CHD9: variants seen among roughly 807,000 people sequenced by gnomAD.
CHD9 encodes ATP-dependent chromatin remodeler CHD9.
Under a neutral mutation model 316.1 loss-of-function variants are expected in CHD9, and 77 were observed. The observed-to-expected ratio is 0.24, with a 90% CI of 0.20 to 0.29. The LOEUF (loss-of-function observed/expected upper bound fraction) is 0.29, where lower values mean the gene tolerates loss of function less well. Ranked by LOEUF, CHD9 falls within the 10% of genes least tolerant of loss-of-function variation. The probability of loss-of-function intolerance (pLI) is 1.00; values close to 1 mark genes in which losing one functional copy is unlikely to be tolerated. For synonymous variants in CHD9, 1,129 were observed against 1,158.3 expected (o/e 0.97, Z 0.51); for missense variants, 2,763 against 3,438.1 (o/e 0.80, Z 4.91).
intron 1 of CHD9, chr16:53,122,159 G>A (rs1464578340): frequency 7.6e-6 from 1 of 130,886 alleles, no homozygotes; most frequent in Non-Finnish European, 1.6e-5. Context: ...AAAGATGAGT[G>A]AGAAGGTATT....
At chr16:53,266,573 A>C (rs1361071303) in intron 20 of CHD9, among the ~76,000 whole-genome samples, 1 of 152,200 alleles carries the variant, frequency 6.6e-6, no homozygotes, top group Non-Finnish European at 1.5e-5. Flanking sequence ...TATATCATAA[A>C]AAATTTCATC....
At chr16:53,081,839 G>GTAAATGAA (rs1555479491) in intron 1 of CHD9, among the ~76,000 whole-genome samples, 1 of 150,088 alleles carries the variant, frequency 6.7e-6, no homozygotes, top group Non-Finnish European at 1.5e-5. Context: ...TGTCAAGTTT[G>GTAAATGAA]TGAATGAATG....
At chr16:53,068,748 T>G (rs1205728952) in intron 1 of CHD9, among the ~76,000 whole-genome samples, 1 of 152,210 alleles carries the variant, frequency 6.6e-6, no homozygotes, top group Non-Finnish European at 1.5e-5. Context: ...CTGGGCTCAG[T>G]GCAAGCTTGC....
At position 53,260,767 on chromosome 16, in the gene CHD9, G is replaced by A. The variant is rs141196619; in HGVS notation, c.4210-2220G>A. 2.4e-3 allele frequency among the ~76,000 whole-genome samples: 363 copies of A among 152,006 alleles called. 3 individuals are homozygous for A. The highest frequency in any genetic ancestry group is 8.4e-3 in the African/African-American group (350 of 41,452). On this transcript the variant is annotated intron_variant, in intron 19 of 38. Transcript: ENST00000447540. ...AGACTGCCTGCATTCCTTGGCTTGC[G>A]GCCACAGTACTCCCATCTCTGCTTC...
intron 32 of CHD9, 82 bp downstream of exon 32, chr16:53,306,479 TGGAA>T: frequency 4.2e-6 from 5 of 1,189,126 alleles, no homozygotes; most frequent in Non-Finnish European, 5.6e-6. Flanking sequence ...TCTTACTATG[TGGAA>T]ACATAGGTCA....
Position 53,263,069 on chromosome 16 carries a change from A to G in CHD9, c.4292A>G (p.Glu1431Gly). ...TGGCAAAAATGGGCTAAAAAGGCAG[A>G]AATAGATATAGAGGCCATCAGTGGC... ...NFWQKWAKKA[E>G]IDIEAISGRN... The change falls in exon 20 of 39, where the codon GAA (glutamate) becomes GGA (glycine). Residue 1431 changes from glutamate to glycine, a missense_variant. Around this residue, in one of 15 missense-constraint regions of CHD9, gnomAD observed 199 missense variants for 251.7 expected, o/e 0.79. Transcript: ENST00000447540. 1 of 1,612,694 alleles carries G rather than the reference A, an allele frequency of 6.2e-7. No homozygotes were observed. Among genetic ancestry groups the G allele is most frequent in the Non-Finnish European group, 8.5e-7 (1 of 1,179,024 alleles).
At position 53,231,733 on chromosome 16, in the gene CHD9, A is replaced by C; in HGVS notation, c.2460A>C (p.Lys820Asn). 1 of 1,611,894 alleles carries C rather than the reference A, an allele frequency of 6.2e-7. No homozygotes were observed. Among genetic ancestry groups the C allele is most frequent in the Non-Finnish European group, 8.5e-7 (1 of 1,178,928 alleles). Reference protein sequence around the residue: ...WELKEDVDLAKIEEFEQLQAS... With the variant: ...WELKEDVDLANIEEFEQLQAS... ...TAAAAGAAGATGTAGATCTTGCAAA[A>C]ATAGAAGAGTTTGAACAACTGCAAG... Residue 820 changes from lysine (K) to asparagine (N), a missense_variant, in exon 10 of 39, where the codon AAA (lysine) becomes AAC (asparagine). Lys to Asn is a moderately conservative substitution (Grantham distance 94). Transcript: ENST00000447540.
chr16:53,164,863 C>T (rs570397612), intron 2 of CHD9, among the ~76,000 whole-genome samples: 18 of 152,148 alleles, frequency 1.2e-4, no homozygotes, highest in African/African-American at 3.6e-4. Flanking sequence ...CCATGTTGCC[C>T]AGGTTGGTCT....
rs1253793658 is a variant in CHD9 at position 53,321,585 on chromosome 16, A to T, written c.7773A>T (p.Ser2591=). The T allele has an allele frequency of 6.4e-7, 1 of 1,552,510 alleles. No homozygotes were observed. The highest frequency in any genetic ancestry group is 8.7e-7 in the Non-Finnish European group (1 of 1,143,850). The change falls in exon 38 of 39, where the codon TCA becomes TCT. Residue 2591 remains serine (S), a synonymous_variant. Coordinates refer to ENST00000447540, the MANE Select transcript of CHD9 (RefSeq NM_001308319.2). ...TATGTAGATTCCTAAAAGAAAATTC[A>T]GAATATGGAGTAGCTCCTGAATGGG... The part of the protein sequence containing the change: ...KDLCRFLKEN[S]EYGVAPEWGD...
intron 2 of CHD9, among the ~76,000 whole-genome samples, chr16:53,202,248 TC>T (rs2045521808): frequency 6.6e-6 from 1 of 152,154 alleles, no homozygotes; most frequent in African/African-American, 2.4e-5. Flanking sequence ...AAATATCTGG[TC>T]AGGGTTTCTA....
intron 1 of CHD9, among the ~76,000 whole-genome samples, chr16:53,065,335 T>C (rs950320952): frequency 1.3e-5 from 2 of 151,936 alleles, no homozygotes; most frequent in Admixed American, 1.3e-4. Context: ...CTAAGATTCT[T>C]AGCAAGAGAG....
intron 1 of CHD9, among the ~76,000 whole-genome samples, chr16:53,066,488 T>C (rs1170303637): frequency 6.6e-6 from 1 of 152,040 alleles, no homozygotes; most frequent in Non-Finnish European, 1.5e-5. Flanking sequence ...AAAAGAAAAA[T>C]AAACACATAC....
rs944170583 is a variant in CHD9 at position 53,326,699 on chromosome 16, A to G, written c.*1804A>G. ...GAAAATGATATATTACATATTTAGT[A>G]TCTTCCCTTTGCAGTATTGCACTTT... is the stretch of plus-strand genomic sequence containing the variant. On this transcript the variant is annotated 3_prime_UTR_variant, in exon 39 of 39. Transcript: ENST00000447540. The G allele has an allele frequency of 1.3e-5, 2 of 152,394 alleles. No individual in the cohort carries two copies. The highest frequency in any genetic ancestry group is 6.6e-5 in the Admixed American group (1 of 15,234). 9.4% of individuals were successfully genotyped at this position (152,394 alleles called of 1,614,324 possible).
rs562872327 is a variant in CHD9 at position 53,055,151 on chromosome 16, A to C, written c.-165+74A>C. ...GTGGACAGCGGGGCGGCCGCTGGGC[A>C]CCGCTTGCGGTCTGCAGAGATAACC... is the stretch of plus-strand genomic sequence containing the variant. On this transcript the variant is annotated intron_variant, in intron 1 of 38. Coordinates refer to ENST00000447540, the MANE Select transcript of CHD9 (RefSeq NM_001308319.2). The C allele has an allele frequency of 1.6e-4, 24 of 152,432 alleles. No individual in the cohort carries two copies. The East Asian group carries it at 4.2e-3, about 27-fold the overall frequency. 9.4% of individuals were successfully genotyped at this position (152,432 alleles called of 1,614,324 possible).
intron 2 of CHD9, 46 bp from the exon 3 acceptor site, chr16:53,209,436 A>T: frequency 8.1e-7 from 1 of 1,236,956 alleles, no homozygotes; most frequent in Non-Finnish European, 1.1e-6. Context: ...CAATTGTTTT[A>T]GATGTACTTT....
chr16:53,061,219 G>A (rs946654758), intron 1 of CHD9, among the ~76,000 whole-genome samples: 20 of 152,178 alleles, frequency 1.3e-4, no homozygotes, highest in Admixed American at 3.9e-4. Flanking sequence ...GAGCCACCTC[G>A]CCTGGCCAAG....
At chr16:53,221,045 C>G (rs1374039110) in intron 3 of CHD9, among the ~76,000 whole-genome samples, 1 of 152,196 alleles carries the variant, frequency 6.6e-6, no homozygotes, top group Non-Finnish European at 1.5e-5. Context: ...TGATCATAGT[C>G]TAACTATGAT....
chr16:53,146,417 A>ATGTGTGTG (rs1232078327), intron 1 of CHD9, among the ~76,000 whole-genome samples: 1 of 65,964 alleles, frequency 1.5e-5, no homozygotes, highest in African/African-American at 6.9e-5. Context: ...GTGTGTGTGT[A>ATGTGTGTG]TGTATATATA....
At chr16:53,223,851 G>A (rs1292404282) in intron 4 of CHD9, among the ~76,000 whole-genome samples, 1 of 151,900 alleles carries the variant, frequency 6.6e-6, no homozygotes, top group Non-Finnish European at 1.5e-5. Context: ...TTAAATAAAT[G>A]ATGGAAAGAT....
Sources: gnomAD v4.1 joint callset for allele counts (sites outside exome capture counted in the v4.1 genomes callset) on GRCh38, gnomAD v4.1.1 for gene constraint, gnomAD v4.1.1 regional missense constraint, MANE v1.5 for transcripts, NCBI Gene and HGNC (gene_info 2026-07-23, HGNC 2026-07-21) for gene names.